NRXN1: variants seen among roughly 807,000 people sequenced by gnomAD.
NRXN1 encodes the protein neurexin-1.
A neutral mutation model predicts 150.9 loss-of-function variants in NRXN1; 39 were observed. That is an observed-to-expected ratio of 0.26 (90% CI 0.20 to 0.34). The LOEUF (loss-of-function observed/expected upper bound fraction) is 0.34, where lower values mean the gene tolerates loss of function less well. NRXN1 is among the 10% of genes least tolerant of loss of function. The pLI is 1.00. For synonymous variants in NRXN1, 924 were observed against 757.0 expected (o/e 1.22, Z -3.62); for missense variants, 1,815 against 1,949.9 (o/e 0.93, Z 1.30).
intron 21 of NRXN1, among the ~76,000 whole-genome samples, chr2:50,035,678 G>A (rs1689918151): frequency 6.6e-6 from 1 of 152,040 alleles, no homozygotes; most frequent in South Asian, 2.1e-4. Context: ...GACAATGTAG[G>A]AGCATGTGTG....
chr2:50,837,344 T>C (rs1234421058), intron 5 of NRXN1, among the ~76,000 whole-genome samples: 5 of 152,166 alleles, frequency 3.3e-5, no homozygotes, highest in Admixed American at 6.5e-5. Flanking sequence ...TTCTTTGCAT[T>C]TGCTTGAGGC....
At chr2:50,827,503 T>A (rs1434840865) in intron 5 of NRXN1, among the ~76,000 whole-genome samples, 1 of 152,108 alleles carries the variant, frequency 6.6e-6, no homozygotes, top group East Asian at 1.9e-4. Context: ...AAATAATTTT[T>A]AAAAATGAAG....
chr2:50,679,821 C>T (rs1690102527), intron 5 of NRXN1, among the ~76,000 whole-genome samples: 1 of 151,986 alleles, frequency 6.6e-6, no homozygotes, highest in Admixed American at 6.6e-5. Flanking sequence ...GCTATGCTAC[C>T]TCTAAACATC....
At chr2:50,192,089 A>C (rs1018890120) in intron 18 of NRXN1, among the ~76,000 whole-genome samples, 1 of 152,140 alleles carries the variant, frequency 6.6e-6, no homozygotes, top group Non-Finnish European at 1.5e-5. Context: ...TAAAAATATT[A>C]TATATCCTAT....
chr2:50,879,893 C>T (rs1362718127), intron 5 of NRXN1, among the ~76,000 whole-genome samples: 2 of 151,960 alleles, frequency 1.3e-5, no homozygotes, highest in East Asian at 2.0e-4. Flanking sequence ...ATGGTTGAGA[C>T]GTATTTGCGG....
At chr2:50,246,480 C>T (rs1007502078) in intron 17 of NRXN1, among the ~76,000 whole-genome samples, 2 of 151,982 alleles carry the variant, frequency 1.3e-5, no homozygotes, top group Non-Finnish European at 2.9e-5. Context: ...TTGTTTATTT[C>T]CTAATGTTAG....
At chr2:50,466,662 G>A (rs2088898905) in intron 16 of NRXN1, among the ~76,000 whole-genome samples, 1 of 151,592 alleles carries the variant, frequency 6.6e-6, no homozygotes. Flanking sequence ...CTTAAGAGAA[G>A]CCAAAAATGA....
chr2:50,936,805 A>G (rs1688616058), intron 2 of NRXN1, among the ~76,000 whole-genome samples: 1 of 152,160 alleles, frequency 6.6e-6, no homozygotes, highest in African/African-American at 2.4e-5. Context: ...ATAATAGACT[A>G]TGAGAATTAA....
chr2:50,761,209 G>A lies in NRXN1; in HGVS notation c.833-137594C>T, dbSNP rs1701761912. ...TGCATTTTTTTAGAGACTGGGTCTT[G>A]CTATATTGTCCAGTGCAGTGGCTAT... On this transcript the variant is annotated intron_variant, in intron 5 of 22. Coordinates refer to ENST00000401669, the MANE Select transcript of NRXN1 (RefSeq NM_001330078.2). Among the ~76,000 whole-genome samples, 4 of 151,956 alleles carry A rather than the reference G, an allele frequency of 2.6e-5. 1 individual carries two copies. In the South Asian group the frequency reaches 8.3e-4, roughly 32 times the overall value.
chr2:50,928,215 GA>G (rs796669817), intron 2 of NRXN1, among the ~76,000 whole-genome samples: 18 of 147,438 alleles, frequency 1.2e-4, no homozygotes, highest in East Asian at 7.9e-4. Flanking sequence ...TTTAGATTTA[GA>G]AAAAAAAAAT....
intron 17 of NRXN1, among the ~76,000 whole-genome samples, chr2:50,300,084 G>C (rs892065205): frequency 2.0e-5 from 3 of 152,148 alleles, no homozygotes; most frequent in African/African-American, 4.8e-5. Flanking sequence ...TAGAAAGGAG[G>C]TGGGATAGAG....
intron 18 of NRXN1, among the ~76,000 whole-genome samples, chr2:50,096,154 G>A (rs1235053680): frequency 1.3e-5 from 2 of 151,982 alleles, no homozygotes; most frequent in South Asian, 2.1e-4. Context: ...CAACAGGCCC[G>A]ACCCTAATTC....
At chr2:50,275,617 G>C (rs923071329) in intron 17 of NRXN1, among the ~76,000 whole-genome samples, 15 of 151,824 alleles carry the variant, frequency 9.9e-5, no homozygotes, top group African/African-American at 3.4e-4. Context: ...ATTTGTCTTT[G>C]TCTAACACAG....
intron 17 of NRXN1, among the ~76,000 whole-genome samples, chr2:50,242,349 G>C (rs2066082853): frequency 6.6e-6 from 1 of 151,746 alleles, no homozygotes; most frequent in Admixed American, 6.6e-5. Context: ...TGCAAAAAGA[G>C]TTTTAGATCA....
chr2:50,085,612 C>T (rs72891460), intron 19 of NRXN1, among the ~76,000 whole-genome samples: 2,984 of 151,672 alleles, frequency 0.02, 81 homozygotes, highest in African/African-American at 0.068. Flanking sequence ...TGCTTACTAA[C>T]GAGTATTATT....
chr2:50,039,584 G>A, intron 21 of NRXN1, among the ~76,000 whole-genome samples: 1 of 152,162 alleles, frequency 6.6e-6, no homozygotes, highest in South Asian at 2.1e-4. Context: ...CCAAAGAAAA[G>A]CCTGTAGCTC....
chr2:50,063,593 A>G (rs1008013118), intron 19 of NRXN1, among the ~76,000 whole-genome samples: 23 of 115,420 alleles, frequency 2.0e-4, no homozygotes, highest in African/African-American at 8.1e-4. Context: ...CACACATCTA[A>G]GGCTGGCTAA....
At chr2:50,451,898 T>C (rs953814048) in intron 17 of NRXN1, among the ~76,000 whole-genome samples, 4 of 152,226 alleles carry the variant, frequency 2.6e-5, no homozygotes, top group South Asian at 2.1e-4. Flanking sequence ...AGTAGTAGTA[T>C]TCCTGCCTAT....
intron 21 of NRXN1, among the ~76,000 whole-genome samples, chr2:50,028,987 T>C (rs1158685753): frequency 6.6e-6 from 1 of 152,242 alleles, no homozygotes; most frequent in Non-Finnish European, 1.5e-5. Context: ...AGTTTGATGG[T>C]CTGAATGTTT....
Sources: gnomAD v4.1 joint callset for allele counts (sites outside exome capture counted in the v4.1 genomes callset) on GRCh38, gnomAD v4.1.1 for gene constraint, MANE v1.5 for transcripts, NCBI Gene and HGNC (gene_info 2026-07-23, HGNC 2026-07-21) for gene names.